PRR12: variants seen among roughly 807,000 people sequenced by gnomAD.
PRR12 encodes proline-rich protein 12.
In PRR12, 12 loss-of-function variants were observed where a neutral mutation model predicts 138.0. That is an observed-to-expected ratio of 0.09 (90% confidence interval 0.06 to 0.14). The LOEUF (loss-of-function observed/expected upper bound fraction) is 0.14, where lower values mean the gene tolerates loss of function less well. Ranked by LOEUF, PRR12 falls within the 10% of genes least tolerant of loss-of-function variation. The pLI is 1.00. For missense variants in PRR12, 2,692 were observed against 2,861.3 expected, an observed-to-expected ratio of 0.94 and a Z score of 1.35; for synonymous variants, 1,567 against 1,291.7, an observed-to-expected ratio of 1.21 and a Z score of -4.57.
intron 9 of PRR12, among the ~76,000 whole-genome samples, chr19:49,619,671 G>C (rs1433016646): frequency 6.8e-6 from 1 of 146,662 alleles, no homozygotes; most frequent in Admixed American, 6.9e-5. Flanking sequence ...CCTCCCGAGT[G>C]GCTGGGATTA....
chr19:49,600,856 C>CT (rs2080806503), intron 5 of PRR12, among the ~76,000 whole-genome samples: 1 of 152,114 alleles, frequency 6.6e-6, no homozygotes, highest in Admixed American at 6.6e-5. Context: ...TCCCGAGTAG[C>CT]TGGGACTACA....
At chr19:49,591,771 G>A (rs558117440) in intron 1 of PRR12, 31 bp downstream of exon 1, 3 of 1,359,542 alleles carry the variant, frequency 2.2e-6, no homozygotes, top group South Asian at 1.6e-5. Context: ...TAGAGAAGGG[G>A]GCCAAGGGGT....
chr19:49,595,386 C>A lies in PRR12; in HGVS notation c.1051C>A (p.Pro351Thr). ...TGCTGGGGAGCCTAGCAAGGCTGGT[C>A]CCAGCGGAGCCACGGCTGGGGCATC... ...PGAGEPSKAG[P>T]SGATAGASGR... The change falls in exon 4 of 14, where the codon CCC (proline) becomes ACC (threonine). Residue 351 changes from proline to threonine, a missense_variant. Coordinates refer to ENST00000418929, the MANE Select transcript of PRR12 (RefSeq NM_020719.3). The A allele has an allele frequency of 6.5e-7, 1 of 1,541,186 alleles. No homozygotes were observed. The highest frequency in any genetic ancestry group is 8.7e-7 in the Non-Finnish European group (1 of 1,143,064).
At chr19:49,622,900 A>AT (rs2080931140) in intron 11 of PRR12, among the ~76,000 whole-genome samples, 1 of 119,834 alleles carries the variant, frequency 8.3e-6, no homozygotes, top group African/African-American at 4.0e-5. Flanking sequence ...TCAAAAAAAA[A>AT]ACAAAAACAT....
rs769955342 is a variant in PRR12 at position 49,601,759 on chromosome 19, C to G, written c.4614C>G (p.Pro1538=). 3 of 1,583,400 alleles carry G rather than the reference C, an allele frequency of 1.9e-6. No individual in the cohort carries two copies. The highest frequency in any genetic ancestry group is 2.3e-5 in the East Asian group (1 of 43,446). Residue 1538 remains proline, a synonymous_variant, in exon 6 of 14, where the codon CCC becomes CCG. Transcript: ENST00000418929. The stretch of plus-strand genomic sequence containing the variant: ...CCGCCGCCCCGTCTCCCGAAGACCC[C>G]GAGCTGCCGGACACCCGGCCCCTGC... ...EEPAAPSPED[P]ELPDTRPLHL...
chr19:49,615,863 C>A lies in PRR12; in HGVS notation c.5141C>A (p.Pro1714His). 1 of 1,600,614 alleles carries A rather than the reference C, an allele frequency of 6.2e-7. No homozygotes were observed. ...ETPEKTTSEK[P>H]PEQTPETAMP... Reference sequence around the variant, plus strand: ...CCTGAAAAGACGACATCTGAGAAGCCCCCAGAGCAGACTCCTGAGACGGCC... The same window carrying A: ...CCTGAAAAGACGACATCTGAGAAGCACCCAGAGCAGACTCCTGAGACGGCC... Residue 1714 changes from proline to histidine, a missense_variant, in exon 9 of 14, where the codon CCC becomes CAC. This residue lies in a region of PRR12 where 259 missense variants were observed against 265.1 expected (regional missense o/e 0.98). Transcript: ENST00000418929.
chr19:49,612,701 G>C (rs1431944944), intron 6 of PRR12, among the ~76,000 whole-genome samples: 1 of 152,056 alleles, frequency 6.6e-6, no homozygotes, highest in Non-Finnish European at 1.5e-5. Context: ...GTCTTGCTCT[G>C]TTGCCCAGGC....
rs1397496787 is a variant in PRR12, at chr19:49,599,476, C to T, written c.3883C>T (p.His1295Tyr). The T allele has an allele frequency of 6.2e-7, 1 of 1,601,340 alleles. No homozygotes were observed. Residue 1295 changes from histidine (H) to tyrosine (Y), a missense_variant, in exon 5 of 14, where the codon CAC (histidine) becomes TAC (tyrosine). This residue lies in a region of PRR12 where 326 missense variants were observed against 344.2 expected (regional missense o/e 0.95). Transcript: ENST00000418929. This position sits in a 1 kb window ranked among gnomAD's most constrained non-coding sequence, Gnocchi z 5.0. ...FLDFLKSGKR[H>Y]PPLYQAGLTP... ...GGACTTCCTCAAGTCAGGCAAGCGC[C>T]ACCCACCACTCTACCAGGCGGGCCT...
chr19:49,601,347 ACT>A (rs2080808875), intron 5 of PRR12, 142 bp from the exon 6 acceptor site: 6 of 606,806 alleles, frequency 9.9e-6, no homozygotes, highest in African/African-American at 3.9e-5. Context: ...CTCTGGAGAG[ACT>A]CTGATAGGGT....
In PRR12 at chr19:49,597,752, C is replaced by T. The variant is rs1037003034; in HGVS notation, c.3417C>T (p.Asp1139=). Residue 1139 remains aspartate, a synonymous_variant, in exon 4 of 14, where the codon GAC becomes GAT. Transcript: ENST00000418929. This position sits in a 1 kb window ranked among gnomAD's most constrained non-coding sequence, Gnocchi z 6.3. ...RSRPALSPLG[D]IDFCPPNPGP... ...GTCCGGCCCTCTCGCCACTGGGGGA[C>T]ATCGACTTCTGCCCACCCAACCCAG... 25 of 1,606,504 alleles carry T rather than the reference C, an allele frequency of 1.6e-5. No homozygotes were observed. The highest frequency in any genetic ancestry group is 1.3e-4 in the Admixed American group (8 of 59,438).
chr19:49,621,713 C>T lies in PRR12; in HGVS notation c.5721+91C>T, dbSNP rs2080924626. 5.7e-6 allele frequency: 6 copies of T among 1,055,936 alleles called. No individual in the cohort carries two copies. In the South Asian group the frequency reaches 8.2e-5, roughly 14 times the overall value. 65.4% of individuals were successfully genotyped at this position (1,055,936 alleles called of 1,614,324 possible). On this transcript the variant is annotated intron_variant, in intron 11 of 13. Coordinates refer to ENST00000418929, the MANE Select transcript of PRR12 (RefSeq NM_020719.3). ...TCGGCCGCTGTTGGCGGGGGTGATC[C>T]TTGGAAGGAGATCGTCCTTCTGGGC...
At chr19:49,608,403 C>T (rs952805663) in intron 6 of PRR12, among the ~76,000 whole-genome samples, 2 of 151,968 alleles carry the variant, frequency 1.3e-5, no homozygotes, top group East Asian at 1.9e-4. Flanking sequence ...AGTGCAATGA[C>T]GCGATCTCTG....
chr19:49,596,324 C>G lies in PRR12; in HGVS notation c.1989C>G (p.Gly663=). Residue 663 remains glycine (G), a synonymous_variant, in exon 4 of 14, where the codon GGC becomes GGG. Transcript: ENST00000418929. The surrounding 1 kb of genome is among the most constrained non-coding windows in gnomAD (Gnocchi z 5.6). ...PRTSGADGLV[G]EDGAADASKG... The stretch of plus-strand genomic sequence containing the variant: ...CCTCAGGGGCGGACGGCTTGGTGGG[C>G]GAGGACGGGGCAGCAGATGCCTCTA... 1 of 1,610,140 alleles carries G rather than the reference C, an allele frequency of 6.2e-7. No homozygotes were observed. Among genetic ancestry groups the G allele is most frequent in the South Asian group, 1.1e-5 (1 of 90,960 alleles).
chr19:49,619,851 CTTTTTTTTTT>C (rs55707507), intron 9 of PRR12, among the ~76,000 whole-genome samples: 1 of 53,936 alleles, frequency 1.9e-5, no homozygotes, highest in Non-Finnish European at 3.1e-5. Context: ...CAATGCCTGG[CTTTTTTTTTT>C]TTTTTTTTTT....
chr19:49,600,332 G>T (rs1181945796), intron 5 of PRR12, among the ~76,000 whole-genome samples: 2 of 152,044 alleles, frequency 1.3e-5, no homozygotes, highest in Non-Finnish European at 2.9e-5. Flanking sequence ...TGGGGATGGG[G>T]GTGGGCGGTG....
Position 49,614,890 on chromosome 19 carries a change from T to A in PRR12, c.4905T>A (p.Phe1635Leu). The A allele has an allele frequency of 6.2e-7, 1 of 1,613,912 alleles. No homozygotes were observed. Among genetic ancestry groups the A allele is most frequent in the Non-Finnish European group, 8.5e-7 (1 of 1,179,852 alleles). Residue 1635 changes from phenylalanine (F) to leucine (L), a missense_variant, in exon 8 of 14, where the codon TTT (phenylalanine) becomes TTA (leucine). Physicochemically the swap from Phe to Leu is conservative, Grantham distance 22 (BLOSUM62 0). Coordinates refer to ENST00000418929, the MANE Select transcript of PRR12 (RefSeq NM_020719.3). The surrounding 1 kb of genome is among the most constrained non-coding windows in gnomAD (Gnocchi z 5.0). ...TCTCCCCATAGTATTTGGGGTATTT[T>A]GGGGATGCAAAAAATCGGTACCAGC... Reference protein sequence around the residue: ...FCATSNYLGYFGDAKNRYQRL... With the variant: ...FCATSNYLGYLGDAKNRYQRL...
At chr19:49,610,506 A>T (rs2080860318) in intron 6 of PRR12, among the ~76,000 whole-genome samples, 1 of 150,274 alleles carries the variant, frequency 6.7e-6, no homozygotes, top group Admixed American at 6.6e-5. Context: ...GGTTTGCACG[A>T]ACCTGGGAGT....
chr19:49,619,397 G>A (rs865994399), intron 9 of PRR12, among the ~76,000 whole-genome samples: 4 of 150,526 alleles, frequency 2.7e-5, no homozygotes, highest in South Asian at 4.2e-4. Flanking sequence ...CACCACACCC[G>A]GCTAATTTTG....
intron 5 of PRR12, 76 bp downstream of exon 5, chr19:49,600,014 C>T (rs550098290): frequency 1.2e-4 from 164 of 1,399,618 alleles, no homozygotes; most frequent in Non-Finnish European, 1.5e-4. Context: ...GTGCAGGTTA[C>T]GCACTGTTTA....
Sources: allele counts gnomAD v4.1 joint callset (sites outside exome capture counted in the v4.1 genomes callset), GRCh38; gene constraint gnomAD v4.1.1; regional missense constraint gnomAD v4.1.1; non-coding constraint Gnocchi (gnomAD v3.1); transcripts MANE v1.5; gene names NCBI Gene and HGNC (gene_info 2026-07-23, HGNC 2026-07-21).